Variants in MSTO1 observed in about 807,000 individuals in gnomAD.
MSTO1 encodes the protein protein misato homolog 1.
In MSTO1, 24 loss-of-function variants were observed where a neutral mutation model predicts 55.7. The ratio of observed to expected loss-of-function variants is 0.43; its 90% CI spans 0.31 to 0.61. The LOEUF (loss-of-function observed/expected upper bound fraction) is 0.61. Ranked by LOEUF, MSTO1 falls within the 20% of genes least tolerant of loss-of-function variation. MSTO1 has a pLI of 0.09. For missense variants in MSTO1, 363 were observed against 625.7 expected (o/e 0.58, Z 4.48); for synonymous variants, 162 against 252.8 (o/e 0.64, Z 3.41).
At chr1:155,567,131 T>A in the MSTO1 span, among the ~76,000 whole-genome samples, 1 of 151,772 alleles carries the variant, frequency 6.6e-6, no homozygotes, top group Admixed American at 6.6e-5. Context: ...AGAGTTGGTT[T>A]TTTTTTTTTC....
chr1:155,567,249 G>A, the MSTO1 span, among the ~76,000 whole-genome samples: 1 of 151,150 alleles, frequency 6.6e-6, no homozygotes, highest in Non-Finnish European at 1.5e-5. Context: ...TCAGCCTCCT[G>A]AGTAGCTAGG....
chr1:155,581,436 A>T, the MSTO1 span, among the ~76,000 whole-genome samples: 3 of 151,906 alleles, frequency 2.0e-5, no homozygotes, highest in Non-Finnish European at 4.4e-5. Context: ...ACAGAGTCTC[A>T]CTCTGTCGAC....
At chr1:155,582,293 A>T in the MSTO1 span, among the ~76,000 whole-genome samples, 2 of 152,208 alleles carry the variant, frequency 1.3e-5, no homozygotes, top group African/African-American at 4.8e-5. Context: ...AAATGACATG[A>T]AAAGACTGAA....
the MSTO1 span, among the ~76,000 whole-genome samples, chr1:155,574,058 A>G: frequency 6.6e-6 from 1 of 152,088 alleles, no homozygotes; most frequent in Non-Finnish European, 1.5e-5. Flanking sequence ...GGATCTTATA[A>G]CAAAAAGAAG....
At chr1:155,600,651 G>A in the MSTO1 span, among the ~76,000 whole-genome samples, 5 of 151,762 alleles carry the variant, frequency 3.3e-5, no homozygotes, top group East Asian at 5.8e-4. Flanking sequence ...GGGTTCAAGC[G>A]ATTCTCCTGC....
At chr1:155,586,484 T>C in the MSTO1 span, among the ~76,000 whole-genome samples, 1 of 152,214 alleles carries the variant, frequency 6.6e-6, no homozygotes, top group Non-Finnish European at 1.5e-5. Flanking sequence ...TTCTGTGAAA[T>C]GCTTGTTTGT....
the MSTO1 span, among the ~76,000 whole-genome samples, chr1:155,573,257 C>G: frequency 1.3e-5 from 2 of 152,042 alleles, no homozygotes. Flanking sequence ...CTCTGGGTAT[C>G]AGAATTTTTA....
At position 155,613,264 on chromosome 1, in the gene MSTO1, T is replaced by G. The variant is rs563904979; in HGVS notation, c.1283+31T>G. 1,181 of 1,602,256 alleles carry G rather than the reference T, an allele frequency of 7.4e-4. 17 individuals carry two copies. In the South Asian group the frequency reaches 0.013, roughly 17 times the overall value. On this transcript the variant is annotated intron_variant, in intron 11 of 13. Transcript: ENST00000245564. ...AGCTGTTGGTCCTTAGGAGTCCTTGTCAGATTTTTGTCTCATATCCATCTT... is the reference window on the plus strand; with the variant it reads ...AGCTGTTGGTCCTTAGGAGTCCTTGGCAGATTTTTGTCTCATATCCATCTT...
At chr1:155,608,207 T>G (rs1672977509), upstream of MSTO1, among the ~76,000 whole-genome samples, 1 of 152,218 alleles carries the variant, frequency 6.6e-6, no homozygotes, top group South Asian at 2.1e-4. Flanking sequence ...CCTCTGTCTC[T>G]GGCTGCAGTG....
chr1:155,599,038 G>A, the MSTO1 span: 3 of 549,214 alleles, frequency 5.5e-6, no homozygotes, highest in East Asian at 3.7e-5. Context: ...TGCCAGTCAC[G>A]ATGGCTCATG....
chr1:155,598,921 A>T, the MSTO1 span: 1 of 1,411,428 alleles, frequency 7.1e-7, no homozygotes, highest in Admixed American at 1.7e-5. Context: ...AGATGGTAAG[A>T]ACTTCCTGTC....
the MSTO1 span, among the ~76,000 whole-genome samples, chr1:155,580,396 G>A: frequency 2.0e-5 from 3 of 152,004 alleles, no homozygotes; most frequent in South Asian, 2.1e-4. Context: ...TTAGCCAGGC[G>A]TGGTGGTGTG....
At chr1:155,577,898 A>G in the MSTO1 span, among the ~76,000 whole-genome samples, 3 of 152,126 alleles carry the variant, frequency 2.0e-5, no homozygotes. Context: ...AGCACGAGCC[A>G]CTACACCCAG....
chr1:155,569,779 C>T, the MSTO1 span, among the ~76,000 whole-genome samples: 22 of 151,468 alleles, frequency 1.5e-4, no homozygotes, highest in East Asian at 1.6e-3. Context: ...GTTTTTTTTA[C>T]GAAAATGTTT....
At chr1:155,602,112 C>A in the MSTO1 span, 1 of 708,254 alleles carries the variant, frequency 1.4e-6, no homozygotes, top group Admixed American at 1.8e-5. Flanking sequence ...GTTCTGCAGT[C>A]CAACTACAAC....
the MSTO1 span, among the ~76,000 whole-genome samples, chr1:155,604,253 A>G: frequency 6.6e-6 from 1 of 152,178 alleles, no homozygotes; most frequent in East Asian, 1.9e-4. Context: ...CCTTCCACCT[A>G]TCAAATCCCA....
chr1:155,575,893 G>T, the MSTO1 span, among the ~76,000 whole-genome samples: 1 of 151,312 alleles, frequency 6.6e-6, no homozygotes, highest in Non-Finnish European at 1.5e-5. Flanking sequence ...CGTGATCTCG[G>T]CTCACTGCAA....
At chr1:155,608,894 G>C (rs1165015589), upstream of MSTO1, among the ~76,000 whole-genome samples, 2 of 150,128 alleles carry the variant, frequency 1.3e-5, no homozygotes, top group Admixed American at 6.7e-5. Context: ...GCGTGATATC[G>C]GCTCACTGCA....
the MSTO1 span, among the ~76,000 whole-genome samples, chr1:155,590,184 G>A: frequency 6.6e-6 from 1 of 151,952 alleles, no homozygotes; most frequent in African/African-American, 2.4e-5. Flanking sequence ...GTGAAGAGAG[G>A]AGCTCCAGAG....
Sources: allele counts gnomAD v4.1 joint callset (sites outside exome capture counted in the v4.1 genomes callset), GRCh38; gene constraint gnomAD v4.1.1; transcripts MANE v1.5; gene names NCBI Gene and HGNC (gene_info 2026-07-23, HGNC 2026-07-21).